Variants in LIMCH1 observed in about 807,000 individuals in gnomAD.
LIMCH1 encodes LIM and calponin homology domains-containing protein 1.
A neutral mutation model predicts 176.5 loss-of-function variants in LIMCH1; 113 were observed. That is an observed-to-expected ratio of 0.64 (90% confidence interval 0.55 to 0.75). The LOEUF (loss-of-function observed/expected upper bound fraction) is 0.75, where lower values mean the gene tolerates loss of function less well. LIMCH1 is among the 30% of genes least tolerant of loss of function. The pLI is 0.00. For synonymous variants in LIMCH1, 619 were observed against 645.9 expected, an observed-to-expected ratio of 0.96 and a Z score of 0.63; for missense variants, 1,674 against 1,814.9, an observed-to-expected ratio of 0.92 and a Z score of 1.41.
At chr4:41,523,070 C>G (rs1383550904) in intron 2 of LIMCH1, among the ~76,000 whole-genome samples, 7 of 151,944 alleles carry the variant, frequency 4.6e-5, no homozygotes, top group Non-Finnish European at 7.4e-5. Flanking sequence ...CTGTCTGTCA[C>G]AATCACTGTA....
intron 1 of LIMCH1, among the ~76,000 whole-genome samples, chr4:41,493,885 AT>A (rs554841372): frequency 6.6e-6 from 1 of 152,298 alleles, no homozygotes; most frequent in South Asian, 2.1e-4. Flanking sequence ...ATGCCATATT[AT>A]TAATGGATAT....
At chr4:41,378,521 T>C (rs147330024) in intron 1 of LIMCH1, among the ~76,000 whole-genome samples, 51 of 152,364 alleles carry the variant, frequency 3.3e-4, no homozygotes, top group African/African-American at 1.2e-3. Context: ...GTTTAGATTT[T>C]ATCTGTAAGC....
Position 41,620,606 on chromosome 4 carries a change from A to G in LIMCH1, c.641A>G (p.Glu214Gly), listed in dbSNP as rs771540276. 3.5e-5 allele frequency: 54 copies of G among 1,536,202 alleles called. No individual in the cohort carries two copies. The highest frequency in any genetic ancestry group is 4.7e-5 in the Non-Finnish European group (54 of 1,146,920). Residue 214 changes from glutamate (E) to glycine (G), a missense_variant, in exon 7 of 32, where the codon GAA (glutamate) becomes GGA (glycine). Glu to Gly is a moderately conservative substitution (Grantham distance 98). Transcript: ENST00000503057. ...AVVAPAPKSE[E>G]KDAAEIQKRK... ...GTGGCACCAGCTCCCAAGTCTGAAG[A>G]AAAAGATGCTGCTGAGATCCAAAAG...
At chr4:41,553,505 A>G (rs1394883048) in intron 1 of LIMCH1, among the ~76,000 whole-genome samples, 2 of 152,104 alleles carry the variant, frequency 1.3e-5, no homozygotes, top group African/African-American at 2.4e-5. Context: ...GCAAGATACC[A>G]CTAGACCAGT....
chr4:41,528,653 C>G (rs560460429), intron 3 of LIMCH1, among the ~76,000 whole-genome samples: 1 of 152,064 alleles, frequency 6.6e-6, no homozygotes, highest in Non-Finnish European at 1.5e-5. Context: ...GTAGCAGGGG[C>G]CATAGAGATC....
In LIMCH1 at chr4:41,682,362, T is replaced by C. The variant is rs530847924; in HGVS notation, c.3747T>C (p.Asp1249=). Residue 1249 remains aspartate (D), a synonymous_variant, in exon 26 of 32, where the codon GAT becomes GAC. Coordinates refer to ENST00000503057, the MANE Select transcript of LIMCH1 (RefSeq NM_001330672.2). ...MNKIDLGNCQ[D]EKQDRRWKKS... The stretch of plus-strand genomic sequence containing the variant: ...AGATAGACCTGGGAAACTGTCAAGA[T>C]GAAAAACAAGACAGAAGATGGAAGA... 167 of 1,612,302 alleles carry C rather than the reference T, an allele frequency of 1.0e-4. No homozygotes were observed. Among genetic ancestry groups the C allele is most frequent in the Non-Finnish European group, 1.3e-4 (157 of 1,178,752 alleles).
chr4:41,511,185 C>A (rs1405451128), intron 2 of LIMCH1, among the ~76,000 whole-genome samples: 1 of 152,200 alleles, frequency 6.6e-6, no homozygotes, highest in Non-Finnish European at 1.5e-5. Context: ...CAGCCCTGTC[C>A]ATTTGCACTG....
At chr4:41,547,897 A>ATATATATATATATATAT (rs56354382) in intron 1 of LIMCH1, among the ~76,000 whole-genome samples, 5 of 141,934 alleles carry the variant, frequency 3.5e-5, no homozygotes, top group Admixed American at 1.4e-4. Flanking sequence ...ATATATATAT[A>ATATATATATATATATAT]AACAGTGAGT....
chr4:41,526,226 A>G (rs1167948181), intron 3 of LIMCH1, among the ~76,000 whole-genome samples: 1 of 126,818 alleles, frequency 7.9e-6, no homozygotes, highest in East Asian at 2.4e-4. Flanking sequence ...TTCTTTTTTC[A>G]TTTGGATTTC....
chr4:41,402,159 G>A lies in LIMCH1; in HGVS notation c.96+41223G>A, dbSNP rs184796924. 2.6e-5 allele frequency among the ~76,000 whole-genome samples: 4 copies of A among 152,180 alleles called. No individual in the cohort carries two copies. In the East Asian group the frequency reaches 7.7e-4, roughly 29 times the overall value. Reference sequence around the variant, plus strand: ...AAAACAAACAACCCCATCAAAAAGTGGGCAAAGGATATGAACAGACACTTC... The same window carrying A: ...AAAACAAACAACCCCATCAAAAAGTAGGCAAAGGATATGAACAGACACTTC... On this transcript the variant is annotated intron_variant, in intron 1 of 26. Coordinates refer to the LIMCH1 transcript ENST00000313860.
intron 1 of LIMCH1, among the ~76,000 whole-genome samples, chr4:41,437,923 G>T (rs545920958): frequency 4.8e-4 from 73 of 152,286 alleles, no homozygotes; most frequent in Non-Finnish European, 4.1e-4. Flanking sequence ...GTCACATGTG[G>T]TTTAAGTCTG....
chr4:41,370,772 A>G (rs182630467), intron 1 of LIMCH1, among the ~76,000 whole-genome samples: 6 of 152,318 alleles, frequency 3.9e-5, no homozygotes, highest in Non-Finnish European at 7.3e-5. Flanking sequence ...GTAGTCTAGG[A>G]GCTTGCTTGA....
At position 41,691,762 on chromosome 4, in the gene LIMCH1, T is replaced by TA. The variant is rs559202381; in HGVS notation, c.4276-514dup. ...TGGCCTACAGAGCGAGACACTGTCTTAAAAAATAAATAAAATAAACAAATG... is the reference window on the plus strand; with the variant it reads ...TGGCCTACAGAGCGAGACACTGTCTTAAAAAAATAAATAAAATAAACAAATG... On this transcript the variant is annotated intron_variant, in intron 30 of 31. Transcript: ENST00000503057. Among the ~76,000 whole-genome samples the TA allele has an allele frequency of 1.1e-4, 16 of 152,098 alleles. No homozygotes were observed. In the South Asian group the frequency reaches 3.1e-3, roughly 30 times the overall value.
intron 1 of LIMCH1, among the ~76,000 whole-genome samples, chr4:41,480,928 G>A (rs1384343412): frequency 1.3e-5 from 2 of 152,118 alleles, no homozygotes; most frequent in Non-Finnish European, 2.9e-5. Flanking sequence ...TCTCCGGACT[G>A]ACCCATTTTC....
At chr4:41,572,265 G>T (rs1254513635) in intron 1 of LIMCH1, among the ~76,000 whole-genome samples, 2 of 152,104 alleles carry the variant, frequency 1.3e-5, no homozygotes, top group African/African-American at 4.8e-5. Flanking sequence ...ATTATAAGTT[G>T]TATAGAGATA....
At chr4:41,466,104 G>A (rs537063168) in intron 1 of LIMCH1, among the ~76,000 whole-genome samples, 18 of 152,080 alleles carry the variant, frequency 1.2e-4, no homozygotes, top group Middle Eastern at 3.4e-3. Context: ...GACTACAGGC[G>A]CACACCACCA....
chr4:41,670,149 C>T (rs1260414752), intron 21 of LIMCH1, among the ~76,000 whole-genome samples: 3 of 152,166 alleles, frequency 2.0e-5, no homozygotes, highest in African/African-American at 7.2e-5. Context: ...AATATGTGCG[C>T]ATTAAAAACT....
intron 1 of LIMCH1, among the ~76,000 whole-genome samples, chr4:41,482,241 G>C (rs1324378383): frequency 6.6e-6 from 1 of 152,186 alleles, no homozygotes; most frequent in Admixed American, 6.5e-5. Context: ...CCAGAGGTCA[G>C]TACTACATGT....
At chr4:41,526,517 G>A (rs2076671219) in intron 3 of LIMCH1, among the ~76,000 whole-genome samples, 2 of 151,910 alleles carry the variant, frequency 1.3e-5, no homozygotes, top group Admixed American at 6.6e-5. Flanking sequence ...GAAACAGATC[G>A]CCATCCCGCA....
Sources: allele counts gnomAD v4.1 joint callset (sites outside exome capture counted in the v4.1 genomes callset), GRCh38; gene constraint gnomAD v4.1.1; transcripts MANE v1.5; gene names NCBI Gene and HGNC (gene_info 2026-07-23, HGNC 2026-07-21).